The following DNAJC5 variants were observed in gnomAD, a reference collection of about 807,000 sequenced individuals.
DNAJC5 encodes the protein dnaJ homolog subfamily C member 5.
A neutral mutation model predicts 23.2 loss-of-function variants in DNAJC5; 1 was observed. That is an observed-to-expected ratio of 0.04 (90% CI 0.02 to 0.20). The LOEUF is 0.20. Ranked by LOEUF, DNAJC5 falls within the 10% of genes least tolerant of loss-of-function variation. The pLI is 1.00. For synonymous variants in DNAJC5, 136 were observed against 120.0 expected, an observed-to-expected ratio of 1.13 and a Z score of -0.87; for missense variants, 180 against 267.0, an observed-to-expected ratio of 0.67 and a Z score of 2.27.
chr20:63,911,094 C>T (rs1176578445), intron 1 of DNAJC5, among the ~76,000 whole-genome samples: 1 of 152,288 alleles, frequency 6.6e-6, no homozygotes, highest in South Asian at 2.1e-4. Flanking sequence ...ATTAGGTTTC[C>T]AGACCCAAGT....
intron 1 of DNAJC5, among the ~76,000 whole-genome samples, chr20:63,917,613 TGGCGCGATCTC>T (rs1337061738): frequency 1.3e-5 from 2 of 152,022 alleles, no homozygotes; most frequent in African/African-American, 4.8e-5. Context: ...TGGAGTGCAG[TGGCGCGATCTC>T]GGCTCACTGC....
At chr20:63,905,493 T>C (rs1251426556) in intron 1 of DNAJC5, among the ~76,000 whole-genome samples, 4 of 151,816 alleles carry the variant, frequency 2.6e-5, no homozygotes, top group Non-Finnish European at 5.9e-5. Flanking sequence ...CACTGCAGCC[T>C]TCACCTCTGG....
At chr20:63,910,309 C>T (rs2053474517) in intron 1 of DNAJC5, among the ~76,000 whole-genome samples, 2 of 151,798 alleles carry the variant, frequency 1.3e-5, no homozygotes, top group African/African-American at 2.4e-5. Flanking sequence ...CTTTGGGAGG[C>T]GGGGGTGGGC....
At chr20:63,895,742 C>G (rs181688887) in intron 1 of DNAJC5, among the ~76,000 whole-genome samples, 1 of 152,254 alleles carries the variant, frequency 6.6e-6, no homozygotes, top group East Asian at 1.9e-4. Context: ...TAATTTAGTC[C>G]CTGGGTCGTT....
rs1318131172 is a variant in DNAJC5 at position 63,935,861 on chromosome 20, A to G, written c.*4293A>G. On this transcript the variant is annotated 3_prime_UTR_variant, in exon 5 of 5. Transcript: ENST00000360864. ...CTGGTTTTGTCACTGGCGTCCTGGA[A>G]TCCGACCGTGTTGGGGTGCAGGCGC... 6.6e-6 allele frequency: 1 copy of G among 152,242 alleles called. No homozygotes were observed. The highest frequency in any genetic ancestry group is 1.5e-5 in the Non-Finnish European group (1 of 68,036). The allele number at this position is 152,242 out of a possible 1,614,324, so 9.4% of individuals were successfully genotyped here.
chr20:63,919,427 C>G (rs4809383), intron 1 of DNAJC5: 3 of 406,330 alleles, frequency 7.4e-6, no homozygotes, highest in East Asian at 8.0e-5. Flanking sequence ...GACAGCGCCA[C>G]GGAAGAGGAC....
At chr20:63,926,547 T>A (rs749067875) in intron 1 of DNAJC5, among the ~76,000 whole-genome samples, 11 of 152,228 alleles carry the variant, frequency 7.2e-5, no homozygotes, top group Non-Finnish European at 1.0e-4. Flanking sequence ...TAAAGGAGAT[T>A]TGTTATGAGG....
chr20:63,913,140 C>T (rs1022559760), intron 1 of DNAJC5, among the ~76,000 whole-genome samples: 1 of 152,192 alleles, frequency 6.6e-6, no homozygotes. Context: ...TTGCAGTTCC[C>T]TGTGCTGTGT....
Position 63,930,945 on chromosome 20 carries a change from A to G in DNAJC5, c.416A>G (p.Lys139Arg), listed in dbSNP as rs758198396. The change falls in exon 4 of 5, where the codon AAG (lysine) becomes AGG (arginine). Residue 139 changes from lysine to arginine, a missense_variant. This residue lies in a region of DNAJC5 where 97 missense variants were observed against 123.4 expected (regional missense o/e 0.79). Transcript: ENST00000360864. The stretch of plus-strand genomic sequence containing the variant: ...TGCTGCTGCGGGAAGTGTAAGCCCA[A>G]GGCGCCTGAAGGCGAGGAGACGGAG... ...FNCCCGKCKP[K>R]APEGEETEFY... 2 of 1,614,156 alleles carry G rather than the reference A, an allele frequency of 1.2e-6. No individual in the cohort carries two copies. The highest frequency in any genetic ancestry group is 2.2e-5 in the South Asian group (2 of 91,088).
rs768615667 is a variant in DNAJC5, at chr20:63,929,286, A to G, written c.108-26A>G. The G allele has an allele frequency of 5.6e-6, 9 of 1,605,414 alleles. No individual in the cohort carries two copies. The highest frequency in any genetic ancestry group is 7.7e-6 in the Non-Finnish European group (9 of 1,176,222). The stretch of plus-strand genomic sequence containing the variant: ...GCGGGTGGAACAAAGTCCAGGGTAG[A>G]GCCAGGACATGGTTTTGGTTTGCAG... On this transcript the variant is annotated intron_variant, in intron 2 of 4. Transcript: ENST00000360864. The surrounding 1 kb of genome is among the most constrained non-coding windows in gnomAD (Gnocchi z 8.6).
Position 63,929,187 on chromosome 20 carries a change from T to G in DNAJC5, c.108-125T>G. ...CCTGCAGCCCTGGAGAGTCGGACAG[T>G]GAGGTGGCCTGGGTGGACCTGCCTT... On this transcript the variant is annotated intron_variant, in intron 2 of 4. Transcript: ENST00000360864. The surrounding 1 kb of genome is among the most constrained non-coding windows in gnomAD (Gnocchi z 8.6). 1 of 1,124,022 alleles carries G rather than the reference T, an allele frequency of 8.9e-7. No homozygotes were observed. The highest frequency in any genetic ancestry group is 1.3e-6 in the Non-Finnish European group (1 of 762,458). The allele number at this position is 1,124,022 out of a possible 1,614,324, so 69.6% of individuals were successfully genotyped here. A position where few individuals can be genotyped will look rare whatever the true frequency, so the allele number is the denominator to read the frequency against.
intron 1 of DNAJC5, among the ~76,000 whole-genome samples, chr20:63,905,875 C>T (rs1219997794): frequency 1.3e-5 from 2 of 151,964 alleles, no homozygotes; most frequent in East Asian, 3.9e-4. Flanking sequence ...GCTGGGATTA[C>T]AGGCACGTGC....
chr20:63,925,475 C>G (rs2053605241), intron 1 of DNAJC5, among the ~76,000 whole-genome samples: 1 of 150,032 alleles, frequency 6.7e-6, no homozygotes, highest in Non-Finnish European at 1.5e-5. Flanking sequence ...CAGAGCGAGA[C>G]TCCACCTCAA....
chr20:63,915,266 A>G (rs998419853), intron 1 of DNAJC5, among the ~76,000 whole-genome samples: 1 of 152,126 alleles, frequency 6.6e-6, no homozygotes, highest in Admixed American at 6.6e-5. Context: ...AAAGGGGAAA[A>G]ACAGATTGAG....
intron 1 of DNAJC5, among the ~76,000 whole-genome samples, chr20:63,895,968 A>G (rs1418493594): frequency 6.6e-6 from 1 of 152,208 alleles, no homozygotes; most frequent in Non-Finnish European, 1.5e-5. Flanking sequence ...AAGTGTCTGG[A>G]TTAAAGACTC....
chr20:63,915,480 A>AT (rs2053510236), intron 1 of DNAJC5, among the ~76,000 whole-genome samples: 1 of 152,200 alleles, frequency 6.6e-6, no homozygotes, highest in Non-Finnish European at 1.5e-5. Flanking sequence ...AAGTAAAAAA[A>AT]GAACTGTGAA....
intron 1 of DNAJC5, among the ~76,000 whole-genome samples, chr20:63,899,089 T>A (rs1358862945): frequency 6.6e-6 from 1 of 152,204 alleles, no homozygotes; most frequent in East Asian, 1.9e-4. Context: ...AGCCTCTGCG[T>A]TCTGTCAGAT....
intron 1 of DNAJC5, among the ~76,000 whole-genome samples, chr20:63,923,460 T>C (rs73136572): frequency 0.056 from 8,296 of 149,006 alleles, 436 homozygotes; most frequent in East Asian, 0.23. Context: ...AAAATTAGGC[T>C]GGGTAGGGTG....
intron 1 of DNAJC5, among the ~76,000 whole-genome samples, chr20:63,918,173 T>C (rs1335704873): frequency 2.0e-5 from 3 of 152,172 alleles, no homozygotes; most frequent in African/African-American, 4.8e-5. Flanking sequence ...GATGAATGAA[T>C]TGTAGCTACA....
Sources: gnomAD v4.1 joint callset for allele counts (sites outside exome capture counted in the v4.1 genomes callset) on GRCh38, gnomAD v4.1.1 for gene constraint, gnomAD v4.1.1 regional missense constraint, Gnocchi (gnomAD v3.1) non-coding constraint, MANE v1.5 for transcripts, NCBI Gene and HGNC (gene_info 2026-07-23, HGNC 2026-07-21) for gene names.